CACNA1C: variants seen among roughly 807,000 people sequenced by gnomAD.
CACNA1C encodes the protein calcium voltage-gated channel subunit alpha1 C.
Under a neutral mutation model 229.0 loss-of-function variants are expected in CACNA1C, and 30 were observed. The observed-to-expected ratio is 0.13, with a 90% CI of 0.10 to 0.18. The LOEUF is 0.18. CACNA1C is among the 10% of genes least tolerant of loss of function. The pLI is 1.00. For synonymous variants in CACNA1C, 1,114 were observed against 1,132.5 expected (o/e 0.98, Z 0.33); for missense variants, 1,658 against 2,845.0 (o/e 0.58, Z 9.49).
intron 3 of CACNA1C, among the ~76,000 whole-genome samples, chr12:2,179,022 A>G (rs929757606): frequency 2.6e-5 from 4 of 152,174 alleles, no homozygotes; most frequent in African/African-American, 9.7e-5. Context: ...TGATTGCACC[A>G]CTGCACTGCA....
intron 12 of CACNA1C, among the ~76,000 whole-genome samples, chr12:2,567,341 T>C (rs946593487): frequency 1.3e-5 from 2 of 152,362 alleles, no homozygotes; most frequent in Non-Finnish European, 2.9e-5. Context: ...TTGTGTGTGC[T>C]GAGCCTATGG....
rs116938681 is a variant in CACNA1C at position 2,037,397 on chromosome 12, C to T, written c.139+66196C>T. ...CAAACACTGCATTGGGCTCACTGTCCGCTAACAGCAATTCTTGTATTATTA... is the reference window on the plus strand; with the variant it reads ...CAAACACTGCATTGGGCTCACTGTCTGCTAACAGCAATTCTTGTATTATTA... On this transcript the variant is annotated intron_variant, in intron 1 of 46. Coordinates refer to the CACNA1C transcript ENST00000682462. Among the ~76,000 whole-genome samples, 8 of 152,284 alleles carry T rather than the reference C, an allele frequency of 5.3e-5. No homozygotes were observed. The East Asian group carries it at 1.3e-3, about 26-fold the overall frequency.
At chr12:2,027,339 T>C (rs1357083952) in intron 1 of CACNA1C, among the ~76,000 whole-genome samples, 2 of 152,344 alleles carry the variant, frequency 1.3e-5, no homozygotes, top group South Asian at 2.1e-4. Flanking sequence ...TCAATCTTTC[T>C]TCTCTCCATC....
intron 29 of CACNA1C, among the ~76,000 whole-genome samples, chr12:2,631,701 G>A (rs542107544): frequency 6.6e-6 from 1 of 152,332 alleles, no homozygotes; most frequent in East Asian, 1.9e-4. Flanking sequence ...AGAAAGCCCT[G>A]ATTTGAAGCT....
chr12:2,366,992 C>T (rs2097737954), intron 3 of CACNA1C, among the ~76,000 whole-genome samples: 1 of 152,132 alleles, frequency 6.6e-6, no homozygotes. Flanking sequence ...GAAGTCCGCC[C>T]CATGATTCAG....
chr12:2,367,714 TAAA>T (rs1242024172), intron 3 of CACNA1C, among the ~76,000 whole-genome samples: 6 of 151,804 alleles, frequency 4.0e-5, no homozygotes, highest in African/African-American at 9.7e-5. Flanking sequence ...AATTTAGAAA[TAAA>T]AAAGAGCAAA....
chr12:2,515,952 G>C (rs545714000), intron 9 of CACNA1C, among the ~76,000 whole-genome samples: 1 of 152,254 alleles, frequency 6.6e-6, no homozygotes, highest in African/African-American at 2.4e-5. Context: ...ATAGACACTG[G>C]TGATAGAGCA....
At chr12:2,634,555 TC>T (rs762761881) in intron 30 of CACNA1C, among the ~76,000 whole-genome samples, 175 bp downstream of exon 30, 1 of 136,246 alleles carries the variant, frequency 7.3e-6, no homozygotes, top group African/African-American at 2.8e-5. Flanking sequence ...TATTTTGAAA[TC>T]TTTTTTTTTT....
At chr12:2,074,640 A>G (rs1002407135) in intron 1 of CACNA1C, among the ~76,000 whole-genome samples, 1 of 152,208 alleles carries the variant, frequency 6.6e-6, no homozygotes, top group Admixed American at 6.5e-5. Flanking sequence ...CCGTGACTCA[A>G]AATAGCTGTC....
intron 3 of CACNA1C, among the ~76,000 whole-genome samples, chr12:2,407,735 CT>C (rs1176465436): frequency 6.6e-6 from 1 of 151,152 alleles, no homozygotes; most frequent in Non-Finnish European, 1.5e-5. Flanking sequence ...AAGGAATGTC[CT>C]TTTGATAATA....
At chr12:2,304,640 G>T (rs2154477677) in intron 3 of CACNA1C, among the ~76,000 whole-genome samples, 1 of 152,186 alleles carries the variant, frequency 6.6e-6, no homozygotes, top group African/African-American at 2.4e-5. Context: ...CAGAGAGCGG[G>T]TTGCTCCACC....
At chr12:2,178,494 G>A (rs897053640) in intron 3 of CACNA1C, among the ~76,000 whole-genome samples, 1 of 152,244 alleles carries the variant, frequency 6.6e-6, no homozygotes, top group Admixed American at 6.5e-5. Flanking sequence ...AGGAGTCTAA[G>A]CAGTTGTCTT....
chr12:2,489,546 G>A (rs1431516049), intron 6 of CACNA1C, among the ~76,000 whole-genome samples: 1 of 152,216 alleles, frequency 6.6e-6, no homozygotes, highest in African/African-American at 2.4e-5. Flanking sequence ...GGTGCACTGA[G>A]CCAGGTCACT....
rs566870945 is a variant in CACNA1C, at chr12:2,615,209, G to A, written c.3828+3196G>A. ...CCCTGCACCCCACACGAAGGTGCAG[G>A]ACCAGGCTGGGCAGCACGAAAAGTG... On this transcript the variant is annotated intron_variant, in intron 29 of 46. Coordinates refer to ENST00000399655, the MANE Select transcript of CACNA1C (RefSeq NM_000719.7). 5.9e-5 allele frequency among the ~76,000 whole-genome samples: 9 copies of A among 152,370 alleles called. No individual in the cohort carries two copies. The East Asian group carries it at 1.7e-3, about 29-fold the overall frequency.
At chr12:2,109,517 A>G (rs1411536418) in intron 1 of CACNA1C, among the ~76,000 whole-genome samples, 1 of 152,156 alleles carries the variant, frequency 6.6e-6, no homozygotes, top group East Asian at 1.9e-4. Flanking sequence ...AGTGCATTGG[A>G]CCGGGCCCAG....
At chr12:2,669,816 C>T (rs1193245036) in intron 38 of CACNA1C, among the ~76,000 whole-genome samples, 4 of 152,180 alleles carry the variant, frequency 2.6e-5, no homozygotes, top group African/African-American at 9.7e-5. Flanking sequence ...GACCGGGCTC[C>T]CTCAGGGCTG....
At chr12:2,380,610 C>T (rs1253729165) in intron 3 of CACNA1C, among the ~76,000 whole-genome samples, 1 of 152,162 alleles carries the variant, frequency 6.6e-6, no homozygotes, top group South Asian at 2.1e-4. Flanking sequence ...TCCCCCATCC[C>T]TCTTTCATCA....
chr12:2,641,870 TGAGA>T (rs2093741383), intron 30 of CACNA1C: 1 of 680,266 alleles, frequency 1.5e-6, no homozygotes, highest in South Asian at 1.5e-5. Context: ...GGCTGGCCCT[TGAGA>T]GAGTTAGCAG....
intron 3 of CACNA1C, among the ~76,000 whole-genome samples, chr12:2,434,321 C>A (rs1278042645): frequency 6.6e-6 from 1 of 152,180 alleles, no homozygotes; most frequent in Non-Finnish European, 1.5e-5. Flanking sequence ...ATTCTAGAAC[C>A]ACTAGGGGTT....
Sources: gnomAD v4.1 joint callset for allele counts (sites outside exome capture counted in the v4.1 genomes callset) on GRCh38, gnomAD v4.1.1 for gene constraint, MANE v1.5 for transcripts, NCBI Gene and HGNC (gene_info 2026-07-23, HGNC 2026-07-21) for gene names.